GNA14: variants seen among roughly 807,000 people sequenced by gnomAD.
GNA14 encodes the protein guanine nucleotide-binding protein subunit alpha-14.
Under a neutral mutation model 42.0 loss-of-function variants are expected in GNA14, and 50 were observed. The observed-to-expected ratio is 1.19, with a 90% CI of 0.95 to 1.51. The LOEUF is 1.51. Among genes scored for constraint, GNA14 ranks in the 40% most tolerant of loss-of-function variants. The pLI, the probability that GNA14 is intolerant of heterozygous loss-of-function variation, is 0.00. For synonymous variants in GNA14, 173 were observed against 163.1 expected (o/e 1.06, Z -0.46); for missense variants, 473 against 446.2 (o/e 1.06, Z -0.54).
At position 77,552,016 on chromosome 9, in the gene GNA14, G is replaced by C. The variant is rs75485411; in HGVS notation, c.125-22763C>G. Among the ~76,000 whole-genome samples, 21 of 151,190 alleles carry C rather than the reference G, an allele frequency of 1.4e-4. No homozygotes were observed. The East Asian group carries it at 3.9e-3, about 28-fold the overall frequency. Reference sequence around the variant, plus strand: ...TTAGCCAGGTGTGGTGGTGGGCACTGGTAATCCCAGCTATTTGGGAGGCTG... The same window carrying C: ...TTAGCCAGGTGTGGTGGTGGGCACTCGTAATCCCAGCTATTTGGGAGGCTG... On this transcript the variant is annotated intron_variant, in intron 1 of 6. Coordinates refer to ENST00000341700, the MANE Select transcript of GNA14 (RefSeq NM_004297.4).
intron 2 of GNA14, among the ~76,000 whole-genome samples, chr9:77,436,631 G>A (rs1323052517): frequency 2.0e-5 from 3 of 152,030 alleles, no homozygotes; most frequent in Admixed American, 1.3e-4. Flanking sequence ...CTCTCGCCAC[G>A]CTCTTGCTTT....
At chr9:77,503,104 T>C (rs1837001329) in intron 2 of GNA14, among the ~76,000 whole-genome samples, 1 of 152,196 alleles carries the variant, frequency 6.6e-6, no homozygotes, top group African/African-American at 2.4e-5. Context: ...AGTCTTCTTA[T>C]GTGTGTTTTA....
chr9:77,646,159 C>T (rs72732797), intron 1 of GNA14, among the ~76,000 whole-genome samples: 6 of 152,256 alleles, frequency 3.9e-5, no homozygotes, highest in Admixed American at 6.5e-5. Context: ...TCCCTCTCTC[C>T]TAGGGGGGCC....
intron 1 of GNA14, among the ~76,000 whole-genome samples, chr9:77,612,002 T>C (rs1823742522): frequency 6.6e-6 from 1 of 151,678 alleles, no homozygotes. Flanking sequence ...TCAAAGAAAC[T>C]AGACAGGAAA....
rs1339202956 is a variant in GNA14, at chr9:77,425,528, C to T, written c.877+34G>A. ...ATGCCCGGGAGGTGGACGAGATCAG[C>T]ACAGAAAACACTGTCCACAAGATAG... On this transcript the variant is annotated intron_variant, in intron 6 of 6. Coordinates refer to ENST00000341700, the MANE Select transcript of GNA14 (RefSeq NM_004297.4). 1.9e-6 allele frequency: 3 copies of T among 1,542,726 alleles called. No homozygotes were observed. In the East Asian group the frequency reaches 6.8e-5, roughly 35 times the overall value.
intron 1 of GNA14, among the ~76,000 whole-genome samples, chr9:77,604,657 T>A (rs1038912357): frequency 6.6e-6 from 1 of 152,106 alleles, no homozygotes; most frequent in Non-Finnish European, 1.5e-5. Context: ...GGAAGCAAAA[T>A]CACATAATCC....
At chr9:77,623,092 G>A (rs1487173191) in intron 1 of GNA14, among the ~76,000 whole-genome samples, 2 of 150,618 alleles carry the variant, frequency 1.3e-5, no homozygotes, top group East Asian at 2.0e-4. Flanking sequence ...GCATGCGCCT[G>A]TAGTTCCAGC....
At chr9:77,593,334 C>CTTTTTT (rs59975831) in intron 1 of GNA14, among the ~76,000 whole-genome samples, 2 of 142,934 alleles carry the variant, frequency 1.4e-5, no homozygotes, top group African/African-American at 5.4e-5. Flanking sequence ...CCTAACATTC[C>CTTTTTT]TTTTTTTTTT....
At chr9:77,514,675 G>A (rs2026424) in intron 2 of GNA14, among the ~76,000 whole-genome samples, 27,454 of 148,758 alleles carry the variant, frequency 0.18, 2,761 homozygotes, top group East Asian at 0.39. Context: ...GTGCAGTGGT[G>A]CGATCTCGGC....
At chr9:77,531,919 C>A (rs1007662502) in intron 1 of GNA14, among the ~76,000 whole-genome samples, 3 of 152,098 alleles carry the variant, frequency 2.0e-5, no homozygotes, top group African/African-American at 7.2e-5. Context: ...TCAATAAATA[C>A]CCATATTTTA....
chr9:77,494,216 G>C (rs565057110), intron 2 of GNA14, among the ~76,000 whole-genome samples: 1 of 151,954 alleles, frequency 6.6e-6, no homozygotes, highest in Non-Finnish European at 1.5e-5. Context: ...CACCGTGCCC[G>C]GCCAAAATAT....
rs895569800 is a variant in GNA14, at chr9:77,648,207, G to C, written c.-414C>G. On this transcript the variant is annotated 5_prime_UTR_variant, in exon 1 of 7. Transcript: ENST00000341700. The stretch of plus-strand genomic sequence containing the variant: ...GGGAGAGTAGGATCTCCTGGGCCTA[G>C]GGGTGTCCCCAGGCGGGAGGTAGGC... The C allele has an allele frequency of 3.7e-5, 9 of 245,978 alleles. No homozygotes were observed. The highest frequency in any genetic ancestry group is 1.9e-4 in the African/African-American group (8 of 42,496). 15.2% of individuals were successfully genotyped at this position (245,978 alleles called of 1,614,324 possible). A position where few individuals can be genotyped will look rare whatever the true frequency, so the allele number is the denominator to read the frequency against.
At chr9:77,554,427 C>A (rs948679996) in intron 1 of GNA14, among the ~76,000 whole-genome samples, 1 of 152,124 alleles carries the variant, frequency 6.6e-6, no homozygotes, top group South Asian at 2.1e-4. Context: ...AAGTTCAAAC[C>A]TAAGAATTTT....
At chr9:77,587,906 G>A (rs892025412) in intron 1 of GNA14, among the ~76,000 whole-genome samples, 7 of 152,146 alleles carry the variant, frequency 4.6e-5, no homozygotes, top group African/African-American at 1.4e-4. Flanking sequence ...TGTTCCTTCT[G>A]GAGGCTCTAA....
chr9:77,476,334 T>C (rs1306191558), intron 2 of GNA14, among the ~76,000 whole-genome samples: 1 of 152,118 alleles, frequency 6.6e-6, no homozygotes, highest in Admixed American at 6.5e-5. Flanking sequence ...CATCTCTAGG[T>C]AATGAGGGGG....
At chr9:77,566,822 TA>T (rs61067952) in intron 1 of GNA14, among the ~76,000 whole-genome samples, 24,051 of 152,138 alleles carry the variant, frequency 0.16, 3,071 homozygotes, top group African/African-American at 0.36. Flanking sequence ...TGTTAATTTA[TA>T]AACTAACTGA....
At chr9:77,437,670 T>C (rs908746157) in intron 2 of GNA14, among the ~76,000 whole-genome samples, 9 of 151,916 alleles carry the variant, frequency 5.9e-5, no homozygotes, top group South Asian at 2.1e-4. Context: ...AAGAAACTTA[T>C]AAAGAGTCAG....
rs181501365 is a variant in GNA14 at position 77,458,482 on chromosome 9, G to C, written c.310-23960C>G. Among the ~76,000 whole-genome samples the C allele has an allele frequency of 5.0e-4, 76 of 152,284 alleles. 1 individual carries two copies. The highest frequency in any genetic ancestry group is 6.8e-3 in the Middle Eastern group (2 of 294). ...CCCATCACAGTAGGGCACAGTTAGC[G>C]AAAGTTCCGGATTTAGTTAGCCCAG... On this transcript the variant is annotated intron_variant, in intron 2 of 6. Coordinates refer to ENST00000341700, the MANE Select transcript of GNA14 (RefSeq NM_004297.4).
rs868568179 is a variant in GNA14 at position 77,648,248 on chromosome 9, G to A, written c.-455C>T. The A allele has an allele frequency of 4.8e-5, 10 of 206,676 alleles. No homozygotes were observed. In the South Asian group the frequency reaches 6.0e-4, roughly 12 times the overall value. 12.8% of individuals were successfully genotyped at this position (206,676 alleles called of 1,614,324 possible). A position where few individuals can be genotyped will look rare whatever the true frequency, so the allele number is the denominator to read the frequency against. ...GGAGGTAGGCGCGGAGTGGGTTGGA[G>A]GCAAAGGACCTGGCTGGCCTTTGCC... On this transcript the variant is annotated 5_prime_UTR_variant, in exon 1 of 7. Transcript: ENST00000341700.
Sources: gnomAD v4.1 joint callset for allele counts (sites outside exome capture counted in the v4.1 genomes callset) on GRCh38, gnomAD v4.1.1 for gene constraint, MANE v1.5 for transcripts, NCBI Gene and HGNC (gene_info 2026-07-23, HGNC 2026-07-21) for gene names.